The following ZSWIM6 variants were observed in gnomAD, a reference collection of about 807,000 sequenced individuals.
ZSWIM6 encodes the protein zinc finger SWIM domain-containing protein 6.
A neutral mutation model predicts 113.2 loss-of-function variants in ZSWIM6; 9 were observed. The ratio of observed to expected loss-of-function variants is 0.08; its 90% CI spans 0.05 to 0.14. ZSWIM6 has a LOEUF of 0.14. ZSWIM6 is among the 10% of genes least tolerant of loss of function. The probability of loss-of-function intolerance (pLI) is 1.00; values close to 1 mark genes in which losing one functional copy is unlikely to be tolerated. For synonymous variants in ZSWIM6, 611 were observed against 606.5 expected (o/e 1.01, Z -0.11); for missense variants, 1,162 against 1,552.2 (o/e 0.75, Z 4.22).
intron 1 of ZSWIM6, among the ~76,000 whole-genome samples, chr5:61,338,561 C>T (rs530707157): frequency 2.6e-5 from 4 of 152,106 alleles, no homozygotes; most frequent in Non-Finnish European, 4.4e-5. Flanking sequence ...TAGTGTTGTT[C>T]TGAAGGAAGT....
At chr5:61,404,445 A>T (rs993122263) in intron 1 of ZSWIM6, among the ~76,000 whole-genome samples, 1 of 152,176 alleles carries the variant, frequency 6.6e-6, no homozygotes, top group Admixed American at 6.5e-5. Flanking sequence ...CAGCTCCTCT[A>T]AGCCATGGCT....
intron 12 of ZSWIM6, among the ~76,000 whole-genome samples, chr5:61,541,178 G>A (rs1260739604): frequency 2.0e-5 from 3 of 152,104 alleles, no homozygotes; most frequent in Admixed American, 6.6e-5. Flanking sequence ...TCCTGACCTC[G>A]TGATCCATTC....
intron 1 of ZSWIM6, among the ~76,000 whole-genome samples, chr5:61,447,429 G>A (rs184735999): frequency 6.6e-6 from 1 of 152,270 alleles, no homozygotes; most frequent in Admixed American, 6.5e-5. Context: ...AGTCAGTTGG[G>A]CTTGTTCAAC....
intron 1 of ZSWIM6, among the ~76,000 whole-genome samples, chr5:61,448,874 G>T (rs1747024392): frequency 6.6e-6 from 1 of 152,184 alleles, no homozygotes. Flanking sequence ...AATCACAGTT[G>T]CAGTAGGAAT....
intron 2 of ZSWIM6, among the ~76,000 whole-genome samples, chr5:61,488,157 A>G (rs1748072440): frequency 6.6e-6 from 1 of 151,662 alleles, no homozygotes; most frequent in Non-Finnish European, 1.5e-5. Context: ...TTATTCTGGT[A>G]TCACATTTCT....
chr5:61,487,197 G>C (rs535961170), intron 2 of ZSWIM6, among the ~76,000 whole-genome samples: 2 of 152,138 alleles, frequency 1.3e-5, no homozygotes, highest in Admixed American at 1.3e-4. Flanking sequence ...TGATCAGTTC[G>C]TTGTAAATAT....
intron 1 of ZSWIM6, among the ~76,000 whole-genome samples, chr5:61,471,109 C>T (rs903355797): frequency 6.6e-6 from 1 of 152,180 alleles, no homozygotes; most frequent in Non-Finnish European, 1.5e-5. Flanking sequence ...GAAACAGTGG[C>T]TAGCTAGATG....
intron 4 of ZSWIM6, among the ~76,000 whole-genome samples, chr5:61,515,534 T>C (rs1748910606): frequency 6.6e-6 from 1 of 152,042 alleles, no homozygotes; most frequent in Non-Finnish European, 1.5e-5. Flanking sequence ...AACCTACTCC[T>C]GCGATAACTG....
chr5:61,491,371 G>T (rs971777925), intron 3 of ZSWIM6, among the ~76,000 whole-genome samples: 1 of 151,936 alleles, frequency 6.6e-6, no homozygotes, highest in African/African-American at 2.4e-5. Flanking sequence ...GAGTTTTAGA[G>T]TCATATAGAT....
chr5:61,517,935 T>TCTCTCCC (rs1748999729), intron 4 of ZSWIM6, among the ~76,000 whole-genome samples: 1 of 76,584 alleles, frequency 1.3e-5, no homozygotes. Context: ...CCAAATGCTA[T>TCTCTCCC]CCCTCCCCCC....
Position 61,533,579 on chromosome 5 carries a change from T to C in ZSWIM6, c.2245+1854T>C, listed in dbSNP as rs549561995. Among the ~76,000 whole-genome samples the C allele has an allele frequency of 1.3e-4, 20 of 152,350 alleles. No homozygotes were observed. In the South Asian group the frequency reaches 2.3e-3, roughly 17 times the overall value. Reference sequence around the variant, plus strand: ...AATCCACAAATAATTATTGGATACCTGACTGAATGTTTTACTTGTTGAGTG... The same window carrying C: ...AATCCACAAATAATTATTGGATACCCGACTGAATGTTTTACTTGTTGAGTG... On this transcript the variant is annotated intron_variant, in intron 9 of 13. Transcript: ENST00000252744.
At chr5:61,342,916 A>C (rs1744578346) in intron 1 of ZSWIM6, among the ~76,000 whole-genome samples, 1 of 152,154 alleles carries the variant, frequency 6.6e-6, no homozygotes, top group South Asian at 2.1e-4. Context: ...AATGTCTTTT[A>C]GGAATGAATT....
At position 61,543,550 on chromosome 5, in the gene ZSWIM6, A is replaced by G. The variant is rs745988643; in HGVS notation, c.2881A>G (p.Ser961Gly). ...SIVATTVMSN[S>G]TIVRLHLDCH... ...AGTTGCAACTACCGTGATGTCCAAC[A>G]GCACCATCGTCCGCCTCCACCTGGA... is the stretch of plus-strand genomic sequence containing the variant. The change falls in exon 14 of 14, where the codon AGC (serine) becomes GGC (glycine). Residue 961 changes from serine (S) to glycine (G), a missense_variant. Coordinates refer to ENST00000252744, the MANE Select transcript of ZSWIM6 (RefSeq NM_020928.2). The surrounding 1 kb of genome is among the most constrained non-coding windows in gnomAD (Gnocchi z 4.3). The G allele has an allele frequency of 1.8e-5, 28 of 1,551,590 alleles. No individual in the cohort carries two copies. In the South Asian group the frequency reaches 3.2e-4, roughly 18 times the overall value.
At chr5:61,506,373 G>T (rs1182593417) in intron 4 of ZSWIM6, among the ~76,000 whole-genome samples, 1 of 151,894 alleles carries the variant, frequency 6.6e-6, no homozygotes, top group Non-Finnish European at 1.5e-5. Flanking sequence ...ACCTGAGGTT[G>T]GGAGTTTGAG....
At chr5:61,340,861 G>A (rs1238703285) in intron 1 of ZSWIM6, among the ~76,000 whole-genome samples, 1 of 152,224 alleles carries the variant, frequency 6.6e-6, no homozygotes, top group Non-Finnish European at 1.5e-5. Context: ...AATGGCTGCA[G>A]TGCAGTAGTG....
chr5:61,409,386 T>C (rs901254070), intron 1 of ZSWIM6, among the ~76,000 whole-genome samples: 4 of 152,200 alleles, frequency 2.6e-5, no homozygotes, highest in African/African-American at 9.6e-5. Flanking sequence ...AGCATGATTT[T>C]GTAAAGCAAA....
At chr5:61,395,958 T>C (rs1009611193) in intron 1 of ZSWIM6, among the ~76,000 whole-genome samples, 1 of 152,176 alleles carries the variant, frequency 6.6e-6, no homozygotes, top group African/African-American at 2.4e-5. Context: ...AAATCATTTA[T>C]TAGATCAGTA....
chr5:61,515,545 A>G (rs1580055505), intron 4 of ZSWIM6, among the ~76,000 whole-genome samples: 1 of 152,042 alleles, frequency 6.6e-6, no homozygotes, highest in Admixed American at 6.6e-5. Flanking sequence ...GCGATAACTG[A>G]CCCACTCCCA....
At chr5:61,383,622 G>A (rs942426099) in intron 1 of ZSWIM6, among the ~76,000 whole-genome samples, 2 of 151,490 alleles carry the variant, frequency 1.3e-5, no homozygotes, top group African/African-American at 2.4e-5. Context: ...TGCAACCTCC[G>A]CCTCCCCAGT....
Sources: allele counts gnomAD v4.1 joint callset (sites outside exome capture counted in the v4.1 genomes callset), GRCh38; gene constraint gnomAD v4.1.1; non-coding constraint Gnocchi (gnomAD v3.1); transcripts MANE v1.5; gene names NCBI Gene and HGNC (gene_info 2026-07-23, HGNC 2026-07-21).